The following EBF2 variants were observed in gnomAD, a reference collection of about 807,000 sequenced individuals.
The protein encoded by EBF2 is transcription factor COE2.
Under a neutral mutation model 72.8 loss-of-function variants are expected in EBF2, and 21 were observed. The ratio of observed to expected loss-of-function variants is 0.29; its 90% confidence interval spans 0.20 to 0.42. The LOEUF (loss-of-function observed/expected upper bound fraction) is 0.42. Ranked by LOEUF, EBF2 falls within the 10% of genes least tolerant of loss-of-function variation. The probability of loss-of-function intolerance (pLI) is 1.00; values close to 1 mark genes in which losing one functional copy is unlikely to be tolerated. For missense variants in EBF2, 637 were observed against 731.2 expected (o/e 0.87, Z 1.49); for synonymous variants, 299 against 274.2 (o/e 1.09, Z -0.89).
At chr8:25,964,101 A>G (rs1203541250) in intron 6 of EBF2, among the ~76,000 whole-genome samples, 1 of 152,126 alleles carries the variant, frequency 6.6e-6, no homozygotes, top group Non-Finnish European at 1.5e-5. Flanking sequence ...ACACAGGCAT[A>G]CCCCGCACCT....
chr8:25,970,140 T>C (rs1457847738), intron 6 of EBF2, among the ~76,000 whole-genome samples: 1 of 152,172 alleles, frequency 6.6e-6, no homozygotes, highest in Non-Finnish European at 1.5e-5. Flanking sequence ...AGAAGCATCC[T>C]TCTGACCCAG....
At chr8:26,034,206 C>G (rs767801531) in intron 5 of EBF2, among the ~76,000 whole-genome samples, 2 of 152,158 alleles carry the variant, frequency 1.3e-5, no homozygotes, top group Non-Finnish European at 2.9e-5. Flanking sequence ...CATCATTTTT[C>G]AGATGATGTA....
intron 7 of EBF2, among the ~76,000 whole-genome samples, chr8:25,903,589 C>T (rs1366193665): frequency 6.6e-6 from 1 of 152,068 alleles, no homozygotes. Flanking sequence ...CCCAGCTACT[C>T]TGGAGGCTGA....
chr8:25,890,219 T>C (rs1447656264), intron 7 of EBF2, among the ~76,000 whole-genome samples: 1 of 152,100 alleles, frequency 6.6e-6, no homozygotes, highest in Non-Finnish European at 1.5e-5. Flanking sequence ...TGGTGTGCCA[T>C]GTGGAAGCTG....
intron 6 of EBF2, among the ~76,000 whole-genome samples, chr8:25,997,155 A>G (rs1804646645): frequency 6.6e-6 from 1 of 152,158 alleles, no homozygotes; most frequent in African/African-American, 2.4e-5. Context: ...CCCACTCCCT[A>G]CCGCCCACTC....
intron 10 of EBF2, among the ~76,000 whole-genome samples, chr8:25,875,747 G>A (rs1244105529): frequency 6.6e-6 from 1 of 152,120 alleles, no homozygotes; most frequent in African/African-American, 2.4e-5. Flanking sequence ...AAGCCAAAAA[G>A]TCTCTGCAAC....
At chr8:25,926,770 G>T (rs1803394239) in intron 6 of EBF2, among the ~76,000 whole-genome samples, 1 of 152,160 alleles carries the variant, frequency 6.6e-6, no homozygotes, top group East Asian at 1.9e-4. Flanking sequence ...TTCTCAGCAA[G>T]ACTTTGAAAG....
intron 6 of EBF2, among the ~76,000 whole-genome samples, chr8:25,944,306 T>A (rs1316195362): frequency 1.3e-5 from 2 of 152,168 alleles, no homozygotes; most frequent in Admixed American, 6.5e-5. Context: ...CCCTCATCTC[T>A]AGACTTGTAA....
chr8:26,001,780 C>A (rs1804730081), intron 6 of EBF2, among the ~76,000 whole-genome samples: 5 of 152,052 alleles, frequency 3.3e-5, no homozygotes, highest in Admixed American at 1.3e-4. Context: ...AACTCCTGAC[C>A]TCAAGTGATC....
At chr8:25,864,612 A>C (rs1476118380) in intron 10 of EBF2, among the ~76,000 whole-genome samples, 1 of 152,116 alleles carries the variant, frequency 6.6e-6, no homozygotes, top group Admixed American at 6.6e-5. Flanking sequence ...TAACATTAAG[A>C]ATTTACCTTT....
At chr8:25,985,479 G>A (rs1275373676) in intron 6 of EBF2, among the ~76,000 whole-genome samples, 6 of 152,134 alleles carry the variant, frequency 3.9e-5, no homozygotes, top group Admixed American at 3.9e-4. Flanking sequence ...CATACTTTCT[G>A]AACAGAAAAA....
intron 10 of EBF2, among the ~76,000 whole-genome samples, chr8:25,883,445 C>T (rs1802636067): frequency 6.6e-6 from 1 of 151,446 alleles, no homozygotes. Context: ...CTGTCATCTC[C>T]CATTCTAGAA....
At chr8:25,989,056 G>T (rs1208600104) in intron 6 of EBF2, among the ~76,000 whole-genome samples, 1 of 152,218 alleles carries the variant, frequency 6.6e-6, no homozygotes, top group Admixed American at 6.5e-5. Context: ...GGCAACCTAG[G>T]CTCTGTCACT....
At chr8:26,005,541 T>TATAAAATATA (rs1403511221) in intron 6 of EBF2, among the ~76,000 whole-genome samples, 80 of 36,370 alleles carry the variant, frequency 2.2e-3, no homozygotes, top group East Asian at 6.6e-3. Flanking sequence ...TTATATATAT[T>TATAAAATATA]TTATATATAT....
chr8:25,957,451 C>G (rs1012813870), intron 6 of EBF2, among the ~76,000 whole-genome samples: 1 of 152,164 alleles, frequency 6.6e-6, no homozygotes, highest in Non-Finnish European at 1.5e-5. Context: ...CTTTTCCCCT[C>G]CCCCGCAGGC....
chr8:25,917,431 A>C (rs1337790754), intron 6 of EBF2, among the ~76,000 whole-genome samples: 1 of 152,182 alleles, frequency 6.6e-6, no homozygotes, highest in Non-Finnish European at 1.5e-5. Context: ...TTGTTCTCAC[A>C]AAATGTCTTT....
At chr8:26,030,288 G>A (rs1805376843) in intron 6 of EBF2, among the ~76,000 whole-genome samples, 1 of 152,150 alleles carries the variant, frequency 6.6e-6, no homozygotes, top group South Asian at 2.1e-4. Flanking sequence ...CCACCTATGA[G>A]GGAGAACATG....
chr8:26,039,929 G>T (rs1340562514), intron 5 of EBF2, 99 bp downstream of exon 5: 3 of 1,301,202 alleles, frequency 2.3e-6, no homozygotes, highest in African/African-American at 1.5e-5. Context: ...AGCTGCGAGC[G>T]CTCAGTCCTG....
At chr8:26,040,772 T>A in intron 3 of EBF2, 101 bp from the exon 4 acceptor site, 1 of 1,492,582 alleles carries the variant, frequency 6.7e-7, no homozygotes, top group Non-Finnish European at 9.1e-7. Context: ...AGCCTCTCCA[T>A]GCTGAGCCGC....
Sources: gnomAD v4.1 joint callset for allele counts (sites outside exome capture counted in the v4.1 genomes callset) on GRCh38, gnomAD v4.1.1 for gene constraint, MANE v1.5 for transcripts, NCBI Gene and HGNC (gene_info 2026-07-23, HGNC 2026-07-21) for gene names.